Variants in KLC2 observed in about 807,000 individuals in gnomAD.
KLC2 encodes KLC 2.
A neutral mutation model predicts 75.1 loss-of-function variants in KLC2; 35 were observed. The ratio of observed to expected loss-of-function variants is 0.47; its 90% CI spans 0.36 to 0.62. KLC2 has a LOEUF of 0.62. KLC2 is among the 20% of genes least tolerant of loss of function. The probability of loss-of-function intolerance (pLI) is 0.00; values close to 1 mark genes in which losing one functional copy is unlikely to be tolerated. For missense variants in KLC2, 611 were observed against 833.2 expected (o/e 0.73, Z 3.28); for synonymous variants, 314 against 336.7 (o/e 0.93, Z 0.74).
In KLC2 at chr11:66,265,883, G is replaced by T. The variant is rs1383547579; in HGVS notation, c.1473G>T (p.Val491=). The change falls in exon 13 of 16, where the codon GTG becomes GTT. Residue 491 remains valine, a synonymous_variant. Transcript: ENST00000394067. Reference sequence around the variant, plus strand: ...TGGACCCCGCAAGCCAGACCAAGGTGGTAGAACTGCTGAAAGATGGCAGTG... The same window carrying T: ...TGGACCCCGCAAGCCAGACCAAGGTTGTAGAACTGCTGAAAGATGGCAGTG... ...QGLDPASQTK[V]VELLKDGSGR... is the part of the protein sequence containing the mutation. 3.2e-6 allele frequency: 5 copies of T among 1,578,314 alleles called. No individual in the cohort carries two copies. Among genetic ancestry groups the T allele is most frequent in the Non-Finnish European group, 3.5e-6 (4 of 1,159,056 alleles).
At chr11:66,245,926 C>T in the KLC2 span, among the ~76,000 whole-genome samples, 3 of 152,294 alleles carry the variant, frequency 2.0e-5, no homozygotes, top group South Asian at 6.2e-4. Flanking sequence ...GGAGAGGCAG[C>T]GCTTGGCATC....
At chr11:66,253,820 C>T (rs1481035717), upstream of KLC2, among the ~76,000 whole-genome samples, 1 of 152,224 alleles carries the variant, frequency 6.6e-6, no homozygotes, top group Non-Finnish European at 1.5e-5. Flanking sequence ...GAGCAGCCAG[C>T]GCCTAAGGAG....
intron 2 of KLC2, among the ~76,000 whole-genome samples, chr11:66,259,183 T>C (rs1303296019): frequency 6.6e-6 from 1 of 152,186 alleles, no homozygotes; most frequent in East Asian, 1.9e-4. Context: ...AGCCAGGGTG[T>C]TAGGTGGATA....
intron 2 of KLC2, chr11:66,260,949 C>T (rs1328561684): frequency 6.6e-6 from 1 of 151,018 alleles, no homozygotes; most frequent in Non-Finnish European, 1.5e-5. Context: ...GTCCCAGTTA[C>T]TCAGGAGGCT....
chr11:66,263,102 G>A (rs1856554631), intron 5 of KLC2, 66 bp downstream of exon 5: 4 of 1,223,658 alleles, frequency 3.3e-6, no homozygotes, highest in Non-Finnish European at 4.7e-6. Context: ...CTAACCCTTG[G>A]TGCCTGCTGT....
rs79010793 is a variant in KLC2, at chr11:66,260,454, G to T, written c.229-1288G>T. ...GTGACTAGCTGGAGACACAACTGCAGAAATGATCCTGAACCGGGAAGGACT... is the reference window on the plus strand; with the variant it reads ...GTGACTAGCTGGAGACACAACTGCATAAATGATCCTGAACCGGGAAGGACT... On this transcript the variant is annotated intron_variant, in intron 2 of 15. Coordinates refer to ENST00000394067, the MANE Select transcript of KLC2 (RefSeq NM_001318734.2). Among the ~76,000 whole-genome samples the T allele has an allele frequency of 6.2e-3, 949 of 152,340 alleles. 16 individuals carry two copies. Among genetic ancestry groups the T allele is most frequent in the African/African-American group, 0.022 (912 of 41,574 alleles).
In KLC2 at chr11:66,264,385, A is replaced by G; in HGVS notation, c.1157A>G (p.Glu386Gly). ...AAGCAGGGCAAGTACCAGGATGCGG[A>G]GACCTTGTACAAGGAGATCCTCACC... is the stretch of plus-strand genomic sequence containing the variant. ...YLKQGKYQDAETLYKEILTRA... is the reference protein window; with the variant it reads ...YLKQGKYQDAGTLYKEILTRA... The change falls in exon 9 of 16, where the codon GAG (glutamate) becomes GGG (glycine). Residue 386 changes from glutamate (E) to glycine (G), a missense_variant. Glu to Gly is a moderately conservative substitution (Grantham distance 98). Transcript: ENST00000394067. 1 of 1,613,654 alleles carries G rather than the reference A, an allele frequency of 6.2e-7. No individual in the cohort carries two copies. Among genetic ancestry groups the G allele is most frequent in the Non-Finnish European group, 8.5e-7 (1 of 1,179,824 alleles).
chr11:66,266,194 C>T lies in KLC2; in HGVS notation c.1704C>T (p.Thr568=). Residue 568 remains threonine (T), a synonymous_variant, in exon 14 of 16, where the codon ACC becomes ACT. Coordinates refer to ENST00000394067, the MANE Select transcript of KLC2 (RefSeq NM_001318734.2). ...EMLVKKLQGG[T]PQEPPNPRMK... ...TGGTAAAGAAGCTGCAGGGGGGCAC[C>T]CCCCAGGAGCCCCCTAACCCCAGGT... The T allele has an allele frequency of 1.2e-6, 2 of 1,608,846 alleles. No individual in the cohort carries two copies. The highest frequency in any genetic ancestry group is 1.7e-6 in the Non-Finnish European group (2 of 1,177,958).
chr11:66,250,560 C>T, the KLC2 span, among the ~76,000 whole-genome samples: 196 of 152,218 alleles, frequency 1.3e-3, no homozygotes, highest in African/African-American at 4.1e-3. Context: ...CCAACCTATA[C>T]AGGAACGCTA....
rs772082114 is a variant in KLC2, at chr11:66,263,959, A to G, written c.942+7A>G. On this transcript the variant is annotated splice_region_variant and intron_variant, in intron 7 of 15. Coordinates refer to ENST00000394067, the MANE Select transcript of KLC2 (RefSeq NM_001318734.2). Reference sequence around the variant, plus strand: ...ACTGGAGATCCGGGAGAAGGTGGGAACAGGCAGGGCTGGGCAGGCTGGGGG... The same window carrying G: ...ACTGGAGATCCGGGAGAAGGTGGGAGCAGGCAGGGCTGGGCAGGCTGGGGG... The G allele has an allele frequency of 1.9e-6, 3 of 1,613,704 alleles. No individual in the cohort carries two copies. The highest frequency in any genetic ancestry group is 1.7e-6 in the Non-Finnish European group (2 of 1,179,700).
chr11:66,263,967 G>A lies in KLC2; in HGVS notation c.942+15G>A, dbSNP rs1856622213. 5 of 1,613,200 alleles carry A rather than the reference G, an allele frequency of 3.1e-6. No individual in the cohort carries two copies. The highest frequency in any genetic ancestry group is 2.2e-5 in the East Asian group (1 of 44,876). The stretch of plus-strand genomic sequence containing the variant: ...TCCGGGAGAAGGTGGGAACAGGCAG[G>A]GCTGGGCAGGCTGGGGGTCTGGGAG... On this transcript the variant is annotated intron_variant, in intron 7 of 15. Coordinates refer to ENST00000394067, the MANE Select transcript of KLC2 (RefSeq NM_001318734.2).
rs1291400587 is a variant in KLC2 at position 66,267,723 on chromosome 11, C to G, written c.*767C>G. On this transcript the variant is annotated 3_prime_UTR_variant, in exon 16 of 16. Transcript: ENST00000394067. ...CGCCCACCGAGCCATCCTGCCTCGC[C>G]TCCCCCCACGCCTGCAGCTTCTCGC... 5.9e-6 allele frequency: 3 copies of G among 506,298 alleles called. No individual in the cohort carries two copies. In the African/African-American group the frequency reaches 6.1e-5, roughly 10 times the overall value. The allele number at this position is 506,298 out of a possible 1,614,324, so 31.4% of individuals were successfully genotyped here.
At chr11:66,258,201 G>C (rs1291587534) in intron 1 of KLC2, 1 of 190,660 alleles carries the variant, frequency 5.2e-6, no homozygotes, top group Non-Finnish European at 1.1e-5. Context: ...CTGCCTTTTG[G>C]GGATGGGGCT....
chr11:66,263,990 G>A (rs757927374), intron 7 of KLC2, 38 bp downstream of exon 7: 23 of 1,612,516 alleles, frequency 1.4e-5, no homozygotes, highest in Non-Finnish European at 5.1e-6. Context: ...GGGGGTCTGG[G>A]AGGCAGGGGC....
Position 66,265,739 on chromosome 11 carries a change from C to A in KLC2, c.1419C>A (p.Asp473Glu). 6.2e-7 allele frequency: 1 copy of A among 1,613,610 alleles called. No individual in the cohort carries two copies. Among genetic ancestry groups the A allele is most frequent in the Non-Finnish European group, 8.5e-7 (1 of 1,179,828 alleles). Residue 473 changes from aspartate to glutamate, a missense_variant, in exon 12 of 16, where the codon GAC (aspartate) becomes GAA (glutamate). Asp to Glu is a conservative substitution (Grantham distance 45). Transcript: ENST00000394067. ...TGGAAGCCGCGCACACACTAGAGGA[C>A]TGTGCCAGCCGTAACCGCAAGCAGG... ...GKLEAAHTLE[D>E]CASRNRKQGL...
chr11:66,263,097 C>T lies in KLC2; in HGVS notation c.752+61C>T. ...AAGGCTCCAGCCCTGGATCACTAAC[C>T]CTTGGTGCCTGCTGTGGGCCAGGAC... On this transcript the variant is annotated intron_variant, in intron 5 of 15. Transcript: ENST00000394067. 3.1e-6 allele frequency: 4 copies of T among 1,270,356 alleles called. 1 individual carries two copies. The highest frequency in any genetic ancestry group is 4.5e-6 in the Non-Finnish European group (4 of 886,562). The allele number at this position is 1,270,356 out of a possible 1,614,324, so 78.7% of individuals were successfully genotyped here.
intron 11 of KLC2, 67 bp downstream of exon 11, chr11:66,265,302 AC>A: frequency 7.5e-7 from 1 of 1,337,868 alleles, no homozygotes; most frequent in African/African-American, 1.4e-5. Context: ...CCATACTCTC[AC>A]CCCCAACACA....
chr11:66,253,809 G>A (rs979451043), upstream of KLC2, among the ~76,000 whole-genome samples: 32 of 152,326 alleles, frequency 2.1e-4, no homozygotes, highest in African/African-American at 6.7e-4. Context: ...CACACCGGGC[G>A]GAGCAGCCAG....
At chr11:66,254,114 C>T (rs1855984709), upstream of KLC2, among the ~76,000 whole-genome samples, 2 of 152,062 alleles carry the variant, frequency 1.3e-5, no homozygotes, top group South Asian at 2.1e-4. Flanking sequence ...CCCAGCTACT[C>T]GGGAGGCTGA....
Sources: gnomAD v4.1 joint callset for allele counts (sites outside exome capture counted in the v4.1 genomes callset) on GRCh38, gnomAD v4.1.1 for gene constraint, MANE v1.5 for transcripts, NCBI Gene and HGNC (gene_info 2026-07-23, HGNC 2026-07-21) for gene names.